NHLRC2: variants seen among roughly 807,000 people sequenced by gnomAD.
The protein encoded by NHLRC2 is NHL repeat-containing protein 2.
NHLRC2 carries 33 observed loss-of-function variants against 68.1 expected under a neutral mutation model. That is an observed-to-expected ratio of 0.48 (90% CI 0.37 to 0.65). The LOEUF (loss-of-function observed/expected upper bound fraction) is 0.65. NHLRC2 is among the 30% of genes least tolerant of loss of function. NHLRC2 has a pLI of 0.00. For synonymous variants in NHLRC2, 311 were observed against 309.6 expected (o/e 1.00, Z -0.05); for missense variants, 761 against 853.8 (o/e 0.89, Z 1.35).
At chr10:113,889,327 G>A (rs977196492) in intron 5 of NHLRC2, among the ~76,000 whole-genome samples, 6 of 151,826 alleles carry the variant, frequency 4.0e-5, no homozygotes, top group African/African-American at 1.2e-4. Flanking sequence ...AATCTACAGT[G>A]TTCGTATTTA....
At chr10:113,882,030 T>C (rs1468169014) in intron 4 of NHLRC2, among the ~76,000 whole-genome samples, 1 of 151,854 alleles carries the variant, frequency 6.6e-6, no homozygotes, top group East Asian at 1.9e-4. Flanking sequence ...TTCATTCCTT[T>C]GTATTGCTGG....
intron 7 of NHLRC2, 118 bp from the exon 8 acceptor site, chr10:113,902,353 C>T: frequency 3.0e-6 from 2 of 666,240 alleles, no homozygotes; most frequent in South Asian, 2.1e-5. Context: ...TGAAAATCAG[C>T]ATTTTCCCTT....
rs1003442050 is a variant in NHLRC2 at position 113,909,851 on chromosome 10, A to G, written c.*1315A>G. 1 of 152,200 alleles carries G rather than the reference A, an allele frequency of 6.6e-6. No homozygotes were observed. Among genetic ancestry groups the G allele is most frequent in the Non-Finnish European group, 1.5e-5 (1 of 68,020 alleles). 9.4% of individuals were successfully genotyped at this position (152,200 alleles called of 1,614,324 possible). A position where few individuals can be genotyped will look rare whatever the true frequency, so the allele number is the denominator to read the frequency against. ...AGTAAATATTTATAGACAATATGGC[A>G]TAATATGCTTCCCTTCCCTGTAAAA... On this transcript the variant is annotated 3_prime_UTR_variant, in exon 11 of 11. Transcript: ENST00000369301.
intron 3 of NHLRC2, 111 bp from the exon 4 acceptor site, chr10:113,879,463 G>C: frequency 2.1e-6 from 2 of 941,892 alleles, no homozygotes; most frequent in Non-Finnish European, 3.2e-6. Context: ...TTTTTAGATG[G>C]ACATACCATT....
At position 113,866,258 on chromosome 10, in the gene NHLRC2, A is replaced by G. The variant is rs183760930; in HGVS notation, c.331+7578A>G. ...GAATGAATTGTTCTGATGTTTAAAC[A>G]TTTTTAAAGAAGCAACTATGCCCTA... On this transcript the variant is annotated intron_variant, in intron 2 of 10. Transcript: ENST00000369301. Among the ~76,000 whole-genome samples, 42 of 152,382 alleles carry G rather than the reference A, an allele frequency of 2.8e-4. No individual in the cohort carries two copies. In the East Asian group the frequency reaches 5.4e-3, roughly 20 times the overall value.
intron 5 of NHLRC2, among the ~76,000 whole-genome samples, chr10:113,891,757 C>T (rs1333777838): frequency 2.6e-5 from 4 of 152,132 alleles, no homozygotes; most frequent in Non-Finnish European, 4.4e-5. Context: ...GTTATTCTGC[C>T]CCAGGCTTGT....
At chr10:113,888,857 C>T (rs985503343) in intron 5 of NHLRC2, among the ~76,000 whole-genome samples, 4 of 145,106 alleles carry the variant, frequency 2.8e-5, no homozygotes, top group African/African-American at 7.8e-5. Context: ...GACTGAGGCT[C>T]GCCATATCAC....
At chr10:113,867,386 A>T (rs1845878041) in intron 2 of NHLRC2, among the ~76,000 whole-genome samples, 1 of 152,250 alleles carries the variant, frequency 6.6e-6, no homozygotes, top group African/African-American at 2.4e-5. Context: ...ACATTTTCAG[A>T]TGTTTAGTGT....
intron 3 of NHLRC2, among the ~76,000 whole-genome samples, chr10:113,878,031 C>T (rs931436603): frequency 6.6e-6 from 1 of 152,166 alleles, no homozygotes; most frequent in Admixed American, 6.5e-5. Flanking sequence ...GAGAAACCAG[C>T]AGCAAGCTAC....
intron 6 of NHLRC2, among the ~76,000 whole-genome samples, chr10:113,900,645 A>G (rs894206701): frequency 3.3e-5 from 5 of 152,174 alleles, no homozygotes; most frequent in Admixed American, 6.5e-5. Context: ...TAAAGTATTA[A>G]GACTCCTTGT....
chr10:113,894,820 G>A (rs1438697356), intron 5 of NHLRC2, among the ~76,000 whole-genome samples: 3 of 151,858 alleles, frequency 2.0e-5, no homozygotes, highest in African/African-American at 7.3e-5. Flanking sequence ...GTTATGTGTG[G>A]CTTTGGAGTT....
chr10:113,868,633 C>A (rs1845892613), intron 2 of NHLRC2, among the ~76,000 whole-genome samples: 2 of 152,114 alleles, frequency 1.3e-5, no homozygotes, highest in South Asian at 4.1e-4. Flanking sequence ...ATAAAACATG[C>A]ATGGGACCTA....
rs374379725 is a variant in NHLRC2 at position 113,903,504 on chromosome 10, A to T, written c.1495-23A>T. ...CATGAGATTGATCTTCAGTTATATA[A>T]GTTTTTGTTCTTTCTTTTTTAGATT... On this transcript the variant is annotated intron_variant, in intron 8 of 10. Transcript: ENST00000369301. 3.8e-5 allele frequency: 55 copies of T among 1,439,152 alleles called. No individual in the cohort carries two copies. In the African/African-American group the frequency reaches 7.3e-4, roughly 19 times the overall value. 89.1% of individuals were successfully genotyped at this position (1,439,152 alleles called of 1,614,324 possible).
intron 2 of NHLRC2, among the ~76,000 whole-genome samples, chr10:113,870,246 T>A (rs1188851320): frequency 3.9e-5 from 6 of 152,234 alleles, no homozygotes; most frequent in Non-Finnish European, 8.8e-5. Flanking sequence ...TGACTTAGTT[T>A]TTGAGTGTGT....
intron 10 of NHLRC2, among the ~76,000 whole-genome samples, chr10:113,906,644 C>A (rs949422499): frequency 2.0e-5 from 3 of 151,488 alleles, no homozygotes; most frequent in Middle Eastern, 3.2e-3. Context: ...TGTTTTATTT[C>A]TAGATTTGGA....
chr10:113,906,804 A>C (rs1246299347), intron 10 of NHLRC2, among the ~76,000 whole-genome samples: 2 of 152,192 alleles, frequency 1.3e-5, no homozygotes, highest in South Asian at 4.1e-4. Flanking sequence ...CCTGGCTAAC[A>C]CGGTGAAACC....
chr10:113,858,813 G>T, intron 2 of NHLRC2, 133 bp downstream of exon 2: 1 of 592,334 alleles, frequency 1.7e-6, no homozygotes, highest in Non-Finnish European at 2.9e-6. Flanking sequence ...TCTTATCTAT[G>T]AATTAAAGAC....
intron 4 of NHLRC2, 108 bp downstream of exon 4, chr10:113,879,803 C>A: frequency 1.5e-6 from 1 of 673,860 alleles, no homozygotes. Context: ...ATGTCAATGT[C>A]CTTGTTCTGC....
intron 4 of NHLRC2, among the ~76,000 whole-genome samples, chr10:113,883,548 C>T (rs1449349335): frequency 2.0e-5 from 3 of 151,856 alleles, no homozygotes; most frequent in Non-Finnish European, 3.0e-5. Context: ...AATTTTTTAA[C>T]TTTCCTGTGT....
Sources: allele counts gnomAD v4.1 joint callset (sites outside exome capture counted in the v4.1 genomes callset), GRCh38; gene constraint gnomAD v4.1.1; transcripts MANE v1.5; gene names NCBI Gene and HGNC (gene_info 2026-07-23, HGNC 2026-07-21).